Variants in CLVS1 observed in about 807,000 individuals in gnomAD.
CLVS1 encodes clavesin-1.
CLVS1 carries 10 observed loss-of-function variants against 33.1 expected under a neutral mutation model. The ratio of observed to expected loss-of-function variants is 0.30; its 90% CI spans 0.19 to 0.51. The LOEUF (loss-of-function observed/expected upper bound fraction) is 0.51, where lower values mean the gene tolerates loss of function less well. Among genes scored for constraint, CLVS1 ranks in the 20% least tolerant of loss-of-function variants. CLVS1 has a pLI of 0.97. For missense variants in CLVS1, 343 were observed against 433.4 expected (o/e 0.79, Z 1.85); for synonymous variants, 163 against 166.1 (o/e 0.98, Z 0.14).
chr8:61,229,765 G>C (rs1031602365), intron 2 of CLVS1, among the ~76,000 whole-genome samples: 1 of 152,164 alleles, frequency 6.6e-6, no homozygotes, highest in East Asian at 1.9e-4. Flanking sequence ...CAAGTAGCTG[G>C]GATTACAGGT....
intron 3 of CLVS1, among the ~76,000 whole-genome samples, chr8:61,418,551 A>T (rs1424696536): frequency 6.6e-6 from 1 of 152,202 alleles, no homozygotes; most frequent in East Asian, 1.9e-4. Context: ...ACTCATACAA[A>T]CATAGATAAA....
chr8:61,385,778 T>C (rs1326774020), intron 3 of CLVS1, among the ~76,000 whole-genome samples: 1 of 152,198 alleles, frequency 6.6e-6, no homozygotes, highest in Non-Finnish European at 1.5e-5. Context: ...ACCTCTAGTG[T>C]CTGCGTCGTC....
At chr8:61,162,594 T>C (rs1480709149) in intron 2 of CLVS1, among the ~76,000 whole-genome samples, 1 of 152,212 alleles carries the variant, frequency 6.6e-6, no homozygotes, top group Non-Finnish European at 1.5e-5. Flanking sequence ...TTTAGATTAA[T>C]AGGGGAAAAG....
chr8:61,419,996 T>C (rs567938057), intron 3 of CLVS1, among the ~76,000 whole-genome samples: 2 of 152,360 alleles, frequency 1.3e-5, no homozygotes, highest in East Asian at 3.9e-4. Context: ...CTACCTGTTA[T>C]TTATACAAGT....
chr8:61,250,822 G>A (rs893758086), intron 2 of CLVS1, among the ~76,000 whole-genome samples: 1 of 152,092 alleles, frequency 6.6e-6, no homozygotes, highest in Non-Finnish European at 1.5e-5. Context: ...AGGGCTGAGA[G>A]GATGGGGTTT....
intron 2 of CLVS1, among the ~76,000 whole-genome samples, chr8:61,214,380 C>A (rs1159738493): frequency 6.6e-6 from 1 of 152,130 alleles, no homozygotes; most frequent in Non-Finnish European, 1.5e-5. Flanking sequence ...TGATGTCTCC[C>A]CCAGACGCCC....
intron 3 of CLVS1, among the ~76,000 whole-genome samples, chr8:61,390,433 A>G (rs1183067831): frequency 6.6e-6 from 1 of 152,122 alleles, no homozygotes; most frequent in East Asian, 1.9e-4. Context: ...ACAGGAGTTA[A>G]CTCCTTAGGA....
intron 2 of CLVS1, among the ~76,000 whole-genome samples, chr8:61,374,288 C>G (rs1813556825): frequency 1.3e-5 from 2 of 152,116 alleles, no homozygotes; most frequent in South Asian, 4.2e-4. Flanking sequence ...ATCCTCTCCC[C>G]TTTTATTATT....
intron 2 of CLVS1, among the ~76,000 whole-genome samples, chr8:61,185,593 C>T (rs1397971589): frequency 6.6e-6 from 1 of 151,966 alleles, no homozygotes; most frequent in East Asian, 1.9e-4. Context: ...TGTAAATAAA[C>T]TTTATGTATA....
At chr8:61,002,032 G>A in the CLVS1 span, among the ~76,000 whole-genome samples, 1 of 151,990 alleles carries the variant, frequency 6.6e-6, no homozygotes, top group Non-Finnish European at 1.5e-5. Flanking sequence ...AGGCTGGAGT[G>A]CAGTGGTGCA....
At chr8:61,388,145 C>T (rs1814160596) in intron 3 of CLVS1, among the ~76,000 whole-genome samples, 1 of 151,938 alleles carries the variant, frequency 6.6e-6, no homozygotes, top group South Asian at 2.1e-4. Context: ...AAACCAAATG[C>T]AGATCAAGAA....
the CLVS1 span, among the ~76,000 whole-genome samples, chr8:60,979,611 A>G: frequency 2.0e-5 from 3 of 152,338 alleles, no homozygotes; most frequent in East Asian, 3.9e-4. Context: ...GTGCCAGGCA[A>G]TGTGCTCAAA....
the CLVS1 span, among the ~76,000 whole-genome samples, chr8:61,026,324 C>T: frequency 6.6e-6 from 1 of 152,172 alleles, no homozygotes; most frequent in Non-Finnish European, 1.5e-5. Context: ...AGGAACCAAC[C>T]TTGCCTACAC....
intron 3 of CLVS1, among the ~76,000 whole-genome samples, chr8:61,426,577 G>C (rs567855206): frequency 6.6e-6 from 1 of 152,260 alleles, no homozygotes; most frequent in South Asian, 2.1e-4. Context: ...TTTTCTGACA[G>C]TATTCAGTGG....
chr8:61,380,173 T>C (rs1036924830), intron 3 of CLVS1, among the ~76,000 whole-genome samples: 4 of 152,208 alleles, frequency 2.6e-5, no homozygotes, highest in African/African-American at 7.2e-5. Context: ...CTAGGTACTA[T>C]AGAAGTGATG....
chr8:61,483,301 A>G (rs1803739460), intron 5 of CLVS1, among the ~76,000 whole-genome samples: 1 of 152,258 alleles, frequency 6.6e-6, no homozygotes, highest in South Asian at 2.1e-4. Context: ...CCATCAGAGA[A>G]TACTATAAAC....
chr8:61,447,528 T>C (rs556293234), intron 3 of CLVS1, among the ~76,000 whole-genome samples: 39 of 152,074 alleles, frequency 2.6e-4, no homozygotes, highest in South Asian at 6.2e-4. Context: ...TCTATAGTAT[T>C]ATTAAATATA....
At chr8:61,233,796 G>T (rs1173389968) in intron 2 of CLVS1, among the ~76,000 whole-genome samples, 15 of 152,228 alleles carry the variant, frequency 9.9e-5, no homozygotes, top group Admixed American at 9.2e-4. Context: ...ATGGGCTTTG[G>T]GTTGCCACAC....
chr8:61,139,935 AT>A (rs1402900655), intron 2 of CLVS1, among the ~76,000 whole-genome samples: 12 of 152,030 alleles, frequency 7.9e-5, no homozygotes, highest in Non-Finnish European at 1.8e-4. Context: ...TTTTGTCTCC[AT>A]TTCCTGCCTC....
Sources: allele counts gnomAD v4.1 joint callset (sites outside exome capture counted in the v4.1 genomes callset), GRCh38; gene constraint gnomAD v4.1.1; transcripts MANE v1.5; gene names NCBI Gene and HGNC (gene_info 2026-07-23, HGNC 2026-07-21).